PIP5K1C: variants seen among roughly 807,000 people sequenced by gnomAD.
PIP5K1C encodes the protein phosphatidylinositol-4-phosphate 5-kinase type 1 gamma, also known as phosphatidylinositol 4-phosphate 5-kinase type-1 gamma.
PIP5K1C carries 45 observed loss-of-function variants against 80.1 expected under a neutral mutation model. The observed-to-expected ratio is 0.56, with a 90% CI of 0.44 to 0.72. PIP5K1C has a LOEUF of 0.72. Among genes scored for constraint, PIP5K1C ranks in the 30% least tolerant of loss-of-function variants. PIP5K1C has a pLI of 0.00. For missense variants in PIP5K1C, 753 were observed against 954.6 expected (o/e 0.79, Z 2.78); for synonymous variants, 498 against 420.1 (o/e 1.19, Z -2.27).
chr19:3,666,068 C>A (rs2034997691), intron 2 of PIP5K1C, among the ~76,000 whole-genome samples: 1 of 152,126 alleles, frequency 6.6e-6, no homozygotes, highest in African/African-American at 2.4e-5. Context: ...GCCACCCGGG[C>A]CACCCTCCAC....
In PIP5K1C at chr19:3,659,386, C is replaced by A. The variant is rs190164819; in HGVS notation, c.468+1580G>T. Among the ~76,000 whole-genome samples the A allele has an allele frequency of 6.6e-5, 10 of 152,352 alleles. No individual in the cohort carries two copies. In the East Asian group the frequency reaches 1.9e-3, roughly 29 times the overall value. On this transcript the variant is annotated intron_variant, in intron 5 of 17. Coordinates refer to ENST00000335312, the MANE Select transcript of PIP5K1C (RefSeq NM_012398.3). ...CCAGATGCTGTGGGTGCACACCTGGCCTAAGGCCCTGGAATGCGATCTTAT... is the reference window on the plus strand; with the variant it reads ...CCAGATGCTGTGGGTGCACACCTGGACTAAGGCCCTGGAATGCGATCTTAT...
rs776707448 is a variant in PIP5K1C, at chr19:3,688,100, G to A, written c.94+12197C>T. 1.4e-4 allele frequency among the ~76,000 whole-genome samples: 22 copies of A among 152,278 alleles called. No homozygotes were observed. The highest frequency in any genetic ancestry group is 2.2e-4 in the Non-Finnish European group (15 of 68,014). ...CCCCTGGGGGAAGCCCGGCCCGTGC[G>A]GGCTGCGGGAGATCCTGATGGGCCC... On this transcript the variant is annotated intron_variant, in intron 1 of 17. Coordinates refer to ENST00000335312, the MANE Select transcript of PIP5K1C (RefSeq NM_012398.3). This position sits in a 1 kb window ranked among gnomAD's most constrained non-coding sequence, Gnocchi z 5.3.
In PIP5K1C at chr19:3,661,598, C is replaced by T. The variant is rs138224532; in HGVS notation, c.350+273G>A. ...ACCCCAACACCATGGAACCTCCTGA[C>T]CAGCCCTGCACTGCCCACTGGTTAT... On this transcript the variant is annotated intron_variant, in intron 4 of 17. Coordinates refer to ENST00000335312, the MANE Select transcript of PIP5K1C (RefSeq NM_012398.3). Among the ~76,000 whole-genome samples, 258 of 152,378 alleles carry T rather than the reference C, an allele frequency of 1.7e-3. 2 individuals are homozygous for T. The highest frequency in any genetic ancestry group is 5.8e-3 in the African/African-American group (242 of 41,600).
At chr19:3,664,074 G>A (rs1037379901) in intron 3 of PIP5K1C, among the ~76,000 whole-genome samples, 11 of 152,324 alleles carry the variant, frequency 7.2e-5, no homozygotes, top group East Asian at 3.9e-4. Flanking sequence ...GCCCCAGTGC[G>A]AATGAACCCT....
At chr19:3,693,457 C>T (rs1003697184) in intron 1 of PIP5K1C, among the ~76,000 whole-genome samples, 2 of 152,192 alleles carry the variant, frequency 1.3e-5, no homozygotes, top group Admixed American at 6.5e-5. Context: ...AGGCTGTAAT[C>T]CCCATGAGTA....
intron 2 of PIP5K1C, 142 bp from the exon 3 acceptor site, chr19:3,665,056 C>T (rs546797950): frequency 3.0e-4 from 225 of 739,490 alleles, no homozygotes; most frequent in Non-Finnish European, 4.4e-4. Flanking sequence ...CAGGCGACTC[C>T]GGGGTGCAGC....
intron 11 of PIP5K1C, 80 bp downstream of exon 11, chr19:3,645,894 C>G: frequency 7.3e-6 from 8 of 1,099,256 alleles, no homozygotes; most frequent in Non-Finnish European, 9.9e-6. Flanking sequence ...CTCTCGGCCT[C>G]CCGCAGAGTC....
At chr19:3,678,234 G>GA (rs2035452675) in intron 1 of PIP5K1C, among the ~76,000 whole-genome samples, 2 of 133,940 alleles carry the variant, frequency 1.5e-5, no homozygotes, top group Non-Finnish European at 3.2e-5. Context: ...GAGGGATGGA[G>GA]GATGGAGGAA....
At position 3,666,082 on chromosome 19, in the gene PIP5K1C, C is replaced by T. The variant is rs370400137; in HGVS notation, c.127-1168G>A. ...CGCCACCCGGGCCACCCTCCACCCGCGCCACCCTCCACACTGCCCCCACGC... is the reference window on the plus strand; with the variant it reads ...CGCCACCCGGGCCACCCTCCACCCGTGCCACCCTCCACACTGCCCCCACGC... On this transcript the variant is annotated intron_variant, in intron 2 of 17. Coordinates refer to ENST00000335312, the MANE Select transcript of PIP5K1C (RefSeq NM_012398.3). Among the ~76,000 whole-genome samples, 743 of 152,276 alleles carry T rather than the reference C, an allele frequency of 4.9e-3. 3 individuals carry two copies. The highest frequency in any genetic ancestry group is 7.3e-3 in the African/African-American group (303 of 41,564).
intron 1 of PIP5K1C, among the ~76,000 whole-genome samples, chr19:3,670,515 G>A (rs1224773696): frequency 2.0e-5 from 3 of 152,230 alleles, no homozygotes; most frequent in Admixed American, 2.0e-4. Context: ...GGAGGGCAGA[G>A]CCCTGCCCAC....
chr19:3,667,212 G>T, intron 2 of PIP5K1C, 110 bp downstream of exon 2: 1 of 904,446 alleles, frequency 1.1e-6, no homozygotes, highest in Non-Finnish European at 1.8e-6. Context: ...CGGCATTTGG[G>T]GCCCAGAGAG....
chr19:3,643,514 C>T, intron 12 of PIP5K1C, 133 bp from the exon 13 acceptor site: 1 of 1,016,664 alleles, frequency 9.8e-7, no homozygotes, highest in Non-Finnish European at 1.5e-6. Context: ...ACTCCCACCT[C>T]CCCACACGGC....
rs1162990360 is a variant in PIP5K1C at position 3,688,360 on chromosome 19, C to T, written c.94+11937G>A. ...GGTGCCGCAGGGGAGCCCGCAGGAG[C>T]TCCTGTTCCTCACCTGCGAGGGGGG... On this transcript the variant is annotated intron_variant, in intron 1 of 17. Transcript: ENST00000335312. The surrounding 1 kb of genome is among the most constrained non-coding windows in gnomAD (Gnocchi z 5.3). Among the ~76,000 whole-genome samples, 1 of 152,178 alleles carries T rather than the reference C, an allele frequency of 6.6e-6. No homozygotes were observed. Among genetic ancestry groups the T allele is most frequent in the Non-Finnish European group, 1.5e-5 (1 of 68,014 alleles).
At chr19:3,675,661 T>A (rs568972965) in intron 1 of PIP5K1C, among the ~76,000 whole-genome samples, 9 of 152,170 alleles carry the variant, frequency 5.9e-5, no homozygotes, top group Non-Finnish European at 1.3e-4. Flanking sequence ...TCTCTTGATA[T>A]GAGTGTACCC....
chr19:3,641,179 C>T (rs1489548529), intron 15 of PIP5K1C, among the ~76,000 whole-genome samples: 1 of 151,774 alleles, frequency 6.6e-6, no homozygotes, highest in African/African-American at 2.4e-5. Flanking sequence ...TGAGCCACTG[C>T]TCTCCAGCCT....
chr19:3,657,072 G>A (rs1014143571), intron 5 of PIP5K1C, among the ~76,000 whole-genome samples: 4 of 152,196 alleles, frequency 2.6e-5, no homozygotes, highest in Non-Finnish European at 5.9e-5. Flanking sequence ...AGCCACACTG[G>A]ACTAGAAGGT....
At chr19:3,698,424 C>T (rs910255539) in intron 1 of PIP5K1C, among the ~76,000 whole-genome samples, 2 of 152,224 alleles carry the variant, frequency 1.3e-5, no homozygotes, top group Admixed American at 6.5e-5. Flanking sequence ...CTGGCGCTCG[C>T]CCTCTCTACA....
chr19:3,667,491 CAAGTG>C (rs1438903343), intron 1 of PIP5K1C, 138 bp from the exon 2 acceptor site: 10 of 910,214 alleles, frequency 1.1e-5, no homozygotes, highest in Non-Finnish European at 1.8e-5. Flanking sequence ...AGGCTACACA[CAAGTG>C]AAGACATGGA....
chr19:3,691,543 G>A (rs563753662), intron 1 of PIP5K1C, among the ~76,000 whole-genome samples: 2 of 152,096 alleles, frequency 1.3e-5, no homozygotes, highest in Admixed American at 6.6e-5. Flanking sequence ...GCCAAGAGCC[G>A]CAAACAGTCG....
Sources: allele counts gnomAD v4.1 joint callset (sites outside exome capture counted in the v4.1 genomes callset), GRCh38; gene constraint gnomAD v4.1.1; non-coding constraint Gnocchi (gnomAD v3.1); transcripts MANE v1.5; gene names NCBI Gene and HGNC (gene_info 2026-07-23, HGNC 2026-07-21).